Variants in SCARA5 observed in about 807,000 individuals in gnomAD.
SCARA5 encodes scavenger receptor class A member 5, also known as scavenger receptor class A, member 5 (putative).
Under a neutral mutation model 46.3 loss-of-function variants are expected in SCARA5, and 45 were observed. The ratio of observed to expected loss-of-function variants is 0.97; its 90% CI spans 0.76 to 1.24. The LOEUF (loss-of-function observed/expected upper bound fraction) is 1.24, where lower values mean the gene tolerates loss of function less well. Ranked by LOEUF, SCARA5 falls within the 50% of genes most tolerant of loss-of-function variation. The pLI, the probability that SCARA5 is intolerant of heterozygous loss-of-function variation, is 0.00. For synonymous variants in SCARA5, 333 were observed against 306.5 expected, an observed-to-expected ratio of 1.09 and a Z score of -0.90; for missense variants, 680 against 689.0, an observed-to-expected ratio of 0.99 and a Z score of 0.15.
In SCARA5 at chr8:27,878,243, G is replaced by T. The variant is rs73668372; in HGVS notation, c.1351+1326C>A. ...GCAGTGGCATCTTAAATCCCAGGGG[G>T]CCCAGGCTGGGAGACCCATTATGCA... On this transcript the variant is annotated intron_variant, in intron 8 of 8. Coordinates refer to ENST00000354914, the MANE Select transcript of SCARA5 (RefSeq NM_173833.6). Among the ~76,000 whole-genome samples the T allele has an allele frequency of 2.5e-3, 377 of 152,276 alleles. 1 individual carries two copies. The highest frequency in any genetic ancestry group is 8.6e-3 in the African/African-American group (356 of 41,542).
chr8:27,948,476 C>T (rs1380171351), intron 3 of SCARA5, among the ~76,000 whole-genome samples: 1 of 152,196 alleles, frequency 6.6e-6, no homozygotes, highest in Admixed American at 6.5e-5. Flanking sequence ...AATACAAAGG[C>T]GGCAGGGCCT....
intron 2 of SCARA5, among the ~76,000 whole-genome samples, chr8:27,978,085 G>A (rs1230900993): frequency 1.4e-5 from 2 of 144,556 alleles, no homozygotes; most frequent in Non-Finnish European, 3.0e-5. Flanking sequence ...GGAGTGCAGT[G>A]GCGCGATCTT....
At chr8:27,987,061 A>T (rs1808715862) in intron 2 of SCARA5, among the ~76,000 whole-genome samples, 1 of 152,182 alleles carries the variant, frequency 6.6e-6, no homozygotes, top group African/African-American at 2.4e-5. Flanking sequence ...AGGGCCTTGC[A>T]CCCAGGGGCA....
At chr8:27,904,501 A>C (rs117734732) in intron 7 of SCARA5, 1 of 551,422 alleles carries the variant, frequency 1.8e-6, no homozygotes, top group Non-Finnish European at 3.2e-6. Flanking sequence ...CACAGAGATT[A>C]TACCAGCTGG....
intron 7 of SCARA5, among the ~76,000 whole-genome samples, chr8:27,902,932 T>C (rs1222256985): frequency 6.6e-6 from 1 of 152,078 alleles, no homozygotes; most frequent in Non-Finnish European, 1.5e-5. Flanking sequence ...GAGGTGAGTG[T>C]GGGGGGTCCA....
intron 7 of SCARA5, among the ~76,000 whole-genome samples, chr8:27,889,318 G>C (rs1268863492): frequency 6.6e-6 from 1 of 152,152 alleles, no homozygotes; most frequent in African/African-American, 2.4e-5. Flanking sequence ...GTGATTTTTC[G>C]GTAATTATGA....
At chr8:27,912,578 T>A (rs1026325232) in intron 4 of SCARA5, among the ~76,000 whole-genome samples, 1 of 152,238 alleles carries the variant, frequency 6.6e-6, no homozygotes, top group Admixed American at 6.5e-5. Context: ...CGATCTCCCC[T>A]TAAGGCCAAG....
chr8:27,895,415 C>T (rs1181763553), intron 7 of SCARA5, among the ~76,000 whole-genome samples: 5 of 152,224 alleles, frequency 3.3e-5, no homozygotes, highest in Non-Finnish European at 7.3e-5. Flanking sequence ...TCAGGCTGTC[C>T]TGGAGGGCAT....
In SCARA5 at chr8:27,924,519, A is replaced by G. The variant is rs140771407; in HGVS notation, c.242-2274T>C. ...GAAGGGGTCTTGGAGCCTTGCCTCGACTTCTCCCCCACCCAGCACTTTAAT... is the reference window on the plus strand; with the variant it reads ...GAAGGGGTCTTGGAGCCTTGCCTCGGCTTCTCCCCCACCCAGCACTTTAAT... On this transcript the variant is annotated intron_variant, in intron 3 of 8. Transcript: ENST00000354914. Among the ~76,000 whole-genome samples the G allele has an allele frequency of 2.7e-3, 416 of 152,270 alleles. 2 individuals are homozygous for G. Among genetic ancestry groups the G allele is most frequent in the African/African-American group, 9.7e-3 (401 of 41,554 alleles).
At chr8:27,933,521 T>A (rs199967742) in intron 3 of SCARA5, among the ~76,000 whole-genome samples, 4 of 130,954 alleles carry the variant, frequency 3.1e-5, no homozygotes, top group South Asian at 2.5e-4. Context: ...GACTCCATCT[T>A]AAAAAAAAAA....
At chr8:27,906,754 T>C (rs1179869511) in intron 6 of SCARA5, among the ~76,000 whole-genome samples, 1 of 152,074 alleles carries the variant, frequency 6.6e-6, no homozygotes, top group Non-Finnish European at 1.5e-5. Context: ...TCACCCAGGG[T>C]GGTGGCACAA....
Position 27,871,742 on chromosome 8 carries a change from T to G in SCARA5, c.*192A>C. On this transcript the variant is annotated 3_prime_UTR_variant, in exon 9 of 9. Transcript: ENST00000354914. ...AGAGACGGGCAGTAGGTCCCAGAGTTATACTTCGGAGCACATGTTCAAGAG... is the reference window on the plus strand; with the variant it reads ...AGAGACGGGCAGTAGGTCCCAGAGTGATACTTCGGAGCACATGTTCAAGAG... 2 of 1,431,580 alleles carry G rather than the reference T, an allele frequency of 1.4e-6. No individual in the cohort carries two copies. The highest frequency in any genetic ancestry group is 1.8e-6 in the Non-Finnish European group (2 of 1,095,676). 88.7% of individuals were successfully genotyped at this position (1,431,580 alleles called of 1,614,324 possible). A position where few individuals can be genotyped will look rare whatever the true frequency, so the allele number is the denominator to read the frequency against.
intron 7 of SCARA5, among the ~76,000 whole-genome samples, chr8:27,888,481 TC>T (rs1221409728): frequency 6.6e-6 from 1 of 152,212 alleles, no homozygotes; most frequent in Non-Finnish European, 1.5e-5. Flanking sequence ...ATGTATAACA[TC>T]CATGTCTTGA....
intron 3 of SCARA5, among the ~76,000 whole-genome samples, chr8:27,953,749 A>G (rs1808166682): frequency 6.6e-6 from 1 of 152,238 alleles, no homozygotes; most frequent in Admixed American, 6.5e-5. Flanking sequence ...CCCTGACGGG[A>G]AGGAGGGTCG....
intron 2 of SCARA5, among the ~76,000 whole-genome samples, chr8:27,970,452 C>T (rs971867349): frequency 2.0e-5 from 3 of 152,226 alleles, no homozygotes; most frequent in African/African-American, 7.2e-5. Context: ...CCAGACGTTA[C>T]CACCCCTTTC....
At chr8:27,898,291 A>G (rs1252713965) in intron 7 of SCARA5, among the ~76,000 whole-genome samples, 1 of 152,232 alleles carries the variant, frequency 6.6e-6, no homozygotes, top group Non-Finnish European at 1.5e-5. Context: ...GGGAGCTTTC[A>G]GGAAGAGTCA....
chr8:27,908,559 C>G (rs560249001), intron 5 of SCARA5, among the ~76,000 whole-genome samples: 7 of 152,160 alleles, frequency 4.6e-5, no homozygotes, highest in African/African-American at 9.7e-5. Context: ...ATGAATTACT[C>G]CTCTAGTCCG....
At chr8:27,944,072 A>G (rs1354662134) in intron 3 of SCARA5, among the ~76,000 whole-genome samples, 1 of 152,238 alleles carries the variant, frequency 6.6e-6, no homozygotes, top group Non-Finnish European at 1.5e-5. Context: ...AACAAACCCA[A>G]GTTAAAGGAC....
intron 4 of SCARA5, among the ~76,000 whole-genome samples, chr8:27,916,566 C>T (rs1337249081): frequency 1.3e-5 from 2 of 152,154 alleles, no homozygotes; most frequent in East Asian, 3.9e-4. Flanking sequence ...GGCAGAAAGG[C>T]CACTGCAGAC....
Sources: gnomAD v4.1 joint callset for allele counts (sites outside exome capture counted in the v4.1 genomes callset) on GRCh38, gnomAD v4.1.1 for gene constraint, MANE v1.5 for transcripts, NCBI Gene and HGNC (gene_info 2026-07-23, HGNC 2026-07-21) for gene names.